The following TMEM233 variants were observed in gnomAD, a reference collection of about 807,000 sequenced individuals.
TMEM233 encodes the protein dispanin subfamily B member 2.
In TMEM233, 6 loss-of-function variants were observed where a neutral mutation model predicts 11.2. The ratio of observed to expected loss-of-function variants is 0.54; its 90% CI spans 0.29 to 1.06. The LOEUF is 1.06. Ranked by LOEUF, TMEM233 falls within the 50% of genes least tolerant of loss-of-function variation. TMEM233 has a pLI of 0.08. For synonymous variants in TMEM233, 59 were observed against 55.8 expected (o/e 1.06, Z -0.26); for missense variants, 127 against 144.7 (o/e 0.88, Z 0.63).
At chr12:119,621,508 G>C (rs1450961375) in intron 1 of TMEM233, among the ~76,000 whole-genome samples, 1 of 151,136 alleles carries the variant, frequency 6.6e-6, no homozygotes, top group African/African-American at 2.4e-5. Context: ...AACAAAGAGA[G>C]AAAAAAAAAA....
chr12:119,594,892 C>T lies in TMEM233; in HGVS notation c.186+858C>T, dbSNP rs1954004344. On this transcript the variant is annotated intron_variant, in intron 1 of 2. Coordinates refer to ENST00000426426, the MANE Select transcript of TMEM233 (RefSeq NM_001136534.3). This position sits in a 1 kb window ranked among gnomAD's most constrained non-coding sequence, Gnocchi z 5.6. ...CTGCGCACTGGCCCTAACCTCTCTT[C>T]TCTTGGTGTCCCCCAGAGCTCCCAG... Among the ~76,000 whole-genome samples the T allele has an allele frequency of 6.6e-6, 1 of 152,140 alleles. No homozygotes were observed. The highest frequency in any genetic ancestry group is 2.1e-4 in the South Asian group (1 of 4,828).
intron 1 of TMEM233, among the ~76,000 whole-genome samples, chr12:119,615,143 C>T (rs1051386684): frequency 7.6e-6 from 1 of 132,232 alleles, no homozygotes; most frequent in Non-Finnish European, 1.5e-5. Context: ...TCTTCTCAAA[C>T]CCTCAGGTCT....
Position 119,595,105 on chromosome 12 carries a change from G to T in TMEM233, c.186+1071G>T, listed in dbSNP as rs933367634. The stretch of plus-strand genomic sequence containing the variant: ...CAGCTCCCTAGCCCTCTTCAACCCT[G>T]GTAGGAACACCCGAGCGAACCCCAC... On this transcript the variant is annotated intron_variant, in intron 1 of 2. Transcript: ENST00000426426. This position sits in a 1 kb window ranked among gnomAD's most constrained non-coding sequence, Gnocchi z 4.3. 1.3e-4 allele frequency among the ~76,000 whole-genome samples: 20 copies of T among 152,330 alleles called. No homozygotes were observed. The highest frequency in any genetic ancestry group is 4.8e-4 in the African/African-American group (20 of 41,586).
rs60789807 is a variant in TMEM233 at position 119,628,492 on chromosome 12, C to CT, written c.187-1219dup. Among the ~76,000 whole-genome samples, 464 of 52,446 alleles carry CT rather than the reference C, an allele frequency of 8.8e-3. 12 individuals carry two copies. Among genetic ancestry groups the CT allele is most frequent in the African/African-American group, 0.03 (352 of 11,832 alleles). 34.4% of individuals were successfully genotyped at this position (52,446 alleles called of 152,430 possible). A position where few individuals can be genotyped will look rare whatever the true frequency, so the allele number is the denominator to read the frequency against. ...TGCTTTCTTCTACCACCAGCTCACTCTTTTTTTTTTTTTTTTTTTTTTTTT... is the reference window on the plus strand; with the variant it reads ...TGCTTTCTTCTACCACCAGCTCACTCTTTTTTTTTTTTTTTTTTTTTTTTTT... On this transcript the variant is annotated intron_variant, in intron 1 of 2. Coordinates refer to ENST00000426426, the MANE Select transcript of TMEM233 (RefSeq NM_001136534.3).
At chr12:119,627,087 T>G (rs80151342) in intron 1 of TMEM233, among the ~76,000 whole-genome samples, 2,517 of 152,304 alleles carry the variant, frequency 0.017, 64 homozygotes, top group African/African-American at 0.056. Context: ...TCAGAGTAGC[T>G]GCTATTTATC....
intron 1 of TMEM233, among the ~76,000 whole-genome samples, chr12:119,596,584 C>T (rs1272336913): frequency 2.7e-5 from 4 of 150,864 alleles, no homozygotes; most frequent in African/African-American, 9.8e-5. Context: ...CTCCACCTCC[C>T]GGGTTCAAGC....
intron 1 of TMEM233, among the ~76,000 whole-genome samples, chr12:119,611,115 TA>T (rs1465732735): frequency 2.0e-5 from 3 of 152,230 alleles, no homozygotes; most frequent in Non-Finnish European, 2.9e-5. Flanking sequence ...TTTTGGCTCT[TA>T]AAAATATGCT....
At chr12:119,634,056 C>G (rs1954931948) in intron 2 of TMEM233, among the ~76,000 whole-genome samples, 1 of 152,196 alleles carries the variant, frequency 6.6e-6, no homozygotes, top group Admixed American at 6.5e-5. Context: ...CCAAAGTCCA[C>G]AAGGAAGAAC....
Position 119,594,343 on chromosome 12 carries a change from C to T in TMEM233, c.186+309C>T, listed in dbSNP as rs937029804. The T allele has an allele frequency of 1.1e-5, 4 of 350,128 alleles. No homozygotes were observed. The highest frequency in any genetic ancestry group is 8.2e-5 in the South Asian group (2 of 24,264). 21.7% of individuals were successfully genotyped at this position (350,128 alleles called of 1,614,324 possible). ...CAACCCGGGGAAGTTCTTCCGTGGA[C>T]TTTGCTGACTCCTCTGACCTTCCTA... On this transcript the variant is annotated intron_variant, in intron 1 of 2. Coordinates refer to ENST00000426426, the MANE Select transcript of TMEM233 (RefSeq NM_001136534.3). The surrounding 1 kb of genome is among the most constrained non-coding windows in gnomAD (Gnocchi z 5.6).
At chr12:119,626,702 G>C (rs1171461028) in intron 1 of TMEM233, among the ~76,000 whole-genome samples, 2 of 152,154 alleles carry the variant, frequency 1.3e-5, no homozygotes, top group Non-Finnish European at 2.9e-5. Flanking sequence ...TTATTAAAGG[G>C]AGAAGAACAG....
chr12:119,594,179 C>T lies in TMEM233; in HGVS notation c.186+145C>T. 1.3e-6 allele frequency: 1 copy of T among 769,846 alleles called. No individual in the cohort carries two copies. 47.7% of individuals were successfully genotyped at this position (769,846 alleles called of 1,614,324 possible). On this transcript the variant is annotated intron_variant, in intron 1 of 2. Transcript: ENST00000426426. This position sits in a 1 kb window ranked among gnomAD's most constrained non-coding sequence, Gnocchi z 5.6. ...GTTCTTTGTCCTCGCACCTCCTCCT[C>T]ACCTTTCTCGGGCTCTCAGAGCTCT... is the stretch of plus-strand genomic sequence containing the variant.
rs910683668 is a variant in TMEM233, at chr12:119,595,982, G to C, written c.186+1948G>C. 6.6e-6 allele frequency among the ~76,000 whole-genome samples: 1 copy of C among 152,172 alleles called. No homozygotes were observed. The highest frequency in any genetic ancestry group is 1.9e-4 in the East Asian group (1 of 5,200). On this transcript the variant is annotated intron_variant, in intron 1 of 2. Transcript: ENST00000426426. This position sits in a 1 kb window ranked among gnomAD's most constrained non-coding sequence, Gnocchi z 4.3. ...GTGGCACGTGGTAGATGCTTAATAA[G>C]TATCATGAAATGAATGCATGCATGA...
chr12:119,605,409 C>CTT lies in TMEM233; in HGVS notation c.186+11410_186+11411dup, dbSNP rs6144897. Reference sequence around the variant, plus strand: ...TTATAATCAGACAGCTATGCCTTTCCTTTTTTTTTTTTTTTTTTTTTTTTT... The same window carrying CTT: ...TTATAATCAGACAGCTATGCCTTTCCTTTTTTTTTTTTTTTTTTTTTTTTTTT... On this transcript the variant is annotated intron_variant, in intron 1 of 2. Coordinates refer to ENST00000426426, the MANE Select transcript of TMEM233 (RefSeq NM_001136534.3). Among the ~76,000 whole-genome samples, 16 of 93,644 alleles carry CTT rather than the reference C, an allele frequency of 1.7e-4. 1 individual carries two copies. Among genetic ancestry groups the CTT allele is most frequent in the African/African-American group, 4.5e-4 (12 of 26,868 alleles). 61.4% of individuals were successfully genotyped at this position (93,644 alleles called of 152,430 possible).
Position 119,626,484 on chromosome 12 carries a change from A to AG in TMEM233, c.187-3252_187-3251insG, listed in dbSNP as rs1555266821. ...GACTCCGTCTCCGGAAAAAAAAAAA[A>AG]AAGAAGAAAAAGGAGGAGGAGGAGG... On this transcript the variant is annotated intron_variant, in intron 1 of 2. Coordinates refer to ENST00000426426, the MANE Select transcript of TMEM233 (RefSeq NM_001136534.3). Among the ~76,000 whole-genome samples the AG allele has an allele frequency of 3.6e-5, 4 of 112,576 alleles. 1 individual carries two copies. The highest frequency in any genetic ancestry group is 2.9e-4 in the South Asian group (1 of 3,480). The allele number at this position is 112,576 out of a possible 152,430, so 73.9% of individuals were successfully genotyped here. A position where few individuals can be genotyped will look rare whatever the true frequency, so the allele number is the denominator to read the frequency against.
At chr12:119,620,349 A>C (rs7952841) in intron 1 of TMEM233, among the ~76,000 whole-genome samples, 1 of 152,084 alleles carries the variant, frequency 6.6e-6, no homozygotes, top group Non-Finnish European at 1.5e-5. Flanking sequence ...CTGCAGGGCA[A>C]TTTGGCTCTA....
chr12:119,620,577 A>T (rs564509349), intron 1 of TMEM233, among the ~76,000 whole-genome samples: 1 of 152,376 alleles, frequency 6.6e-6, no homozygotes, highest in South Asian at 2.1e-4. Flanking sequence ...AAAAAGAATA[A>T]GAGAACCATA....
chr12:119,623,030 T>C (rs1954675059), intron 1 of TMEM233, among the ~76,000 whole-genome samples: 1 of 152,118 alleles, frequency 6.6e-6, no homozygotes, highest in African/African-American at 2.4e-5. Context: ...CAAATCCCCT[T>C]CAGCCAGGTC....
At chr12:119,625,293 G>C (rs1391371504) in intron 1 of TMEM233, among the ~76,000 whole-genome samples, 1 of 151,992 alleles carries the variant, frequency 6.6e-6, no homozygotes, top group Non-Finnish European at 1.5e-5. Flanking sequence ...TGTGATTTCA[G>C]AATCAAGGAA....
Position 119,640,955 on chromosome 12 carries a change from A to C in TMEM233, c.*250A>C. Reference sequence around the variant, plus strand: ...GTAAAAATGAAAAGAAAACAGAAAAAAGAAAAATGAAGTCTCACTGTCTCA... The same window carrying C: ...GTAAAAATGAAAAGAAAACAGAAAACAGAAAAATGAAGTCTCACTGTCTCA... On this transcript the variant is annotated 3_prime_UTR_variant, in exon 3 of 3. Transcript: ENST00000426426. 1 of 485,028 alleles carries C rather than the reference A, an allele frequency of 2.1e-6. No individual in the cohort carries two copies. 30.0% of individuals were successfully genotyped at this position (485,028 alleles called of 1,614,324 possible).
Sources: gnomAD v4.1 joint callset for allele counts (sites outside exome capture counted in the v4.1 genomes callset) on GRCh38, gnomAD v4.1.1 for gene constraint, Gnocchi (gnomAD v3.1) non-coding constraint, MANE v1.5 for transcripts, NCBI Gene and HGNC (gene_info 2026-07-23, HGNC 2026-07-21) for gene names.